The following PDE4D variants were observed in gnomAD, a reference collection of about 807,000 sequenced individuals.
PDE4D encodes phosphodiesterase 4D, also known as 3',5'-cyclic-AMP phosphodiesterase 4D.
In PDE4D, 24 loss-of-function variants were observed where a neutral mutation model predicts 87.4. The ratio of observed to expected loss-of-function variants is 0.27; its 90% CI spans 0.20 to 0.39. The LOEUF (loss-of-function observed/expected upper bound fraction) is 0.39, where lower values mean the gene tolerates loss of function less well. PDE4D is among the 10% of genes least tolerant of loss of function. The pLI is 1.00. For missense variants in PDE4D, 714 were observed against 1,041.0 expected (o/e 0.69, Z 4.32); for synonymous variants, 384 against 383.2 (o/e 1.00, Z -0.02).
At chr5:60,058,093 G>A (rs986461467) in intron 2 of PDE4D, among the ~76,000 whole-genome samples, 9 of 151,886 alleles carry the variant, frequency 5.9e-5, no homozygotes, top group East Asian at 1.9e-4. Flanking sequence ...CAAGGTACCC[G>A]AAATTGAGGT....
chr5:59,394,730 A>G (rs886583878), intron 1 of PDE4D, among the ~76,000 whole-genome samples: 3 of 152,210 alleles, frequency 2.0e-5, no homozygotes, highest in African/African-American at 7.2e-5. Flanking sequence ...AGGAGGAGCC[A>G]AGATGGCCGA....
intron 6 of PDE4D, among the ~76,000 whole-genome samples, chr5:59,016,336 C>T (rs1160910725): frequency 7.0e-6 from 1 of 142,716 alleles, no homozygotes. Flanking sequence ...CCTTTTGCCA[C>T]TGTTTCATAT....
At chr5:59,089,661 TGCTGCC>T (rs1475239642) in intron 5 of PDE4D, among the ~76,000 whole-genome samples, 1 of 152,130 alleles carries the variant, frequency 6.6e-6, no homozygotes, top group African/African-American at 2.4e-5. Context: ...AACTGTATTA[TGCTGCC>T]TATAAAAGGA....
At chr5:60,161,534 C>T (rs1248883382) in intron 2 of PDE4D, among the ~76,000 whole-genome samples, 3 of 152,028 alleles carry the variant, frequency 2.0e-5, no homozygotes, top group African/African-American at 7.2e-5. Context: ...TTCAACTGCC[C>T]CACCTAATGG....
At chr5:59,912,053 T>C (rs1412138127) in intron 3 of PDE4D, among the ~76,000 whole-genome samples, 1 of 152,194 alleles carries the variant, frequency 6.6e-6, no homozygotes, top group African/African-American at 2.4e-5. Flanking sequence ...TTTAAACTAA[T>C]AGAAATTTAT....
chr5:59,833,833 A>T (rs1741613019), intron 1 of PDE4D, among the ~76,000 whole-genome samples: 1 of 152,096 alleles, frequency 6.6e-6, no homozygotes, highest in South Asian at 2.1e-4. Flanking sequence ...TGCATATGAT[A>T]AACATAGATA....
chr5:60,465,064 G>A (rs1045100443), intron 1 of PDE4D, among the ~76,000 whole-genome samples: 2 of 151,656 alleles, frequency 1.3e-5, no homozygotes, highest in Non-Finnish European at 2.9e-5. Flanking sequence ...AGTTATAATC[G>A]CACCACTGCA....
intron 1 of PDE4D, among the ~76,000 whole-genome samples, chr5:59,480,024 C>T (rs965476260): frequency 1.1e-4 from 16 of 151,744 alleles, no homozygotes; most frequent in East Asian, 3.9e-4. Flanking sequence ...TAATATCTTA[C>T]GGCATACAGA....
intron 5 of PDE4D, among the ~76,000 whole-genome samples, chr5:59,062,624 G>T (rs1222562756): frequency 6.6e-6 from 1 of 151,300 alleles, no homozygotes; most frequent in Non-Finnish European, 1.5e-5. Flanking sequence ...CAATGTGTGT[G>T]TATGTATATT....
chr5:60,442,428 C>G (rs1370608841), intron 1 of PDE4D, among the ~76,000 whole-genome samples: 2 of 151,648 alleles, frequency 1.3e-5, no homozygotes, highest in Non-Finnish European at 2.9e-5. Context: ...CATCACACAC[C>G]AGGGCCTGTC....
chr5:59,410,793 T>C (rs1280310544), intron 1 of PDE4D, among the ~76,000 whole-genome samples: 1 of 152,060 alleles, frequency 6.6e-6, no homozygotes, highest in East Asian at 1.9e-4. Flanking sequence ...TTGTGAATAG[T>C]GCTACAATAA....
intron 1 of PDE4D, among the ~76,000 whole-genome samples, chr5:60,292,737 C>T (rs1753004866): frequency 6.6e-6 from 1 of 152,078 alleles, no homozygotes; most frequent in Non-Finnish European, 1.5e-5. Flanking sequence ...AGGTCCTCTC[C>T]CCCTTCCCCA....
chr5:60,040,374 C>T (rs1384156324), intron 2 of PDE4D, among the ~76,000 whole-genome samples: 1 of 152,158 alleles, frequency 6.6e-6, no homozygotes, highest in Non-Finnish European at 1.5e-5. Context: ...TCACCAATTT[C>T]CCCTTTGAAT....
At chr5:60,085,444 C>G (rs978186198) in intron 2 of PDE4D, among the ~76,000 whole-genome samples, 2 of 152,116 alleles carry the variant, frequency 1.3e-5, no homozygotes, top group Non-Finnish European at 2.9e-5. Context: ...TTTTCTCATT[C>G]TCTATTAGCA....
At chr5:60,136,354 T>A (rs1780048782) in intron 2 of PDE4D, among the ~76,000 whole-genome samples, 1 of 152,100 alleles carries the variant, frequency 6.6e-6, no homozygotes, top group African/African-American at 2.4e-5. Context: ...TCTTGCTCTG[T>A]TGTCCAGGCT....
At chr5:60,191,210 T>C (rs1583023126) in intron 1 of PDE4D, among the ~76,000 whole-genome samples, 1 of 148,312 alleles carries the variant, frequency 6.7e-6, no homozygotes, top group South Asian at 2.1e-4. Flanking sequence ...CTAGCTAACA[T>C]TTTTTTTTCA....
chr5:59,717,075 G>A (rs1186199492), intron 1 of PDE4D, among the ~76,000 whole-genome samples: 1 of 152,180 alleles, frequency 6.6e-6, no homozygotes, highest in African/African-American at 2.4e-5. Flanking sequence ...TGGCTTTCAT[G>A]AAACCCATTA....
At chr5:60,274,787 A>C (rs1751201256) in intron 1 of PDE4D, among the ~76,000 whole-genome samples, 1 of 152,240 alleles carries the variant, frequency 6.6e-6, no homozygotes, top group Non-Finnish European at 1.5e-5. Flanking sequence ...AAAGCTATCT[A>C]GACCAGTTGT....
intron 3 of PDE4D, among the ~76,000 whole-genome samples, chr5:59,959,114 G>GCATA (rs1759185026): frequency 1.3e-5 from 2 of 150,462 alleles, no homozygotes; most frequent in South Asian, 4.2e-4. Flanking sequence ...ACACGCAGGT[G>GCATA]CACACACACA....
Sources: allele counts gnomAD v4.1 joint callset (sites outside exome capture counted in the v4.1 genomes callset), GRCh38; gene constraint gnomAD v4.1.1; transcripts MANE v1.5; gene names NCBI Gene and HGNC (gene_info 2026-07-23, HGNC 2026-07-21).